The following FAT3 variants were observed in gnomAD, a reference collection of about 807,000 sequenced individuals.
FAT3 encodes the protein protocadherin Fat 3.
In FAT3, 95 loss-of-function variants were observed where a neutral mutation model predicts 310.2. The ratio of observed to expected loss-of-function variants is 0.31; its 90% confidence interval spans 0.26 to 0.36. FAT3 has a LOEUF of 0.36. Among genes scored for constraint, FAT3 ranks in the 10% least tolerant of loss-of-function variants. FAT3 has a pLI of 1.00. For synonymous variants in FAT3, 2,314 were observed against 2,192.9 expected, an observed-to-expected ratio of 1.06 and a Z score of -1.54; for missense variants, 5,408 against 5,715.6, an observed-to-expected ratio of 0.95 and a Z score of 1.74.
chr11:92,644,120 G>T (rs543301960), intron 3 of FAT3, among the ~76,000 whole-genome samples: 2 of 152,208 alleles, frequency 1.3e-5, no homozygotes, highest in East Asian at 1.9e-4. Context: ...GGGGGCCAAG[G>T]TGGCAGCCCC....
chr11:92,755,246 A>G (rs1945958231), intron 4 of FAT3, among the ~76,000 whole-genome samples: 1 of 138,828 alleles, frequency 7.2e-6, no homozygotes, highest in Non-Finnish European at 1.5e-5. Flanking sequence ...TTTTTGAGGT[A>G]GAATCTCACT....
At chr11:92,710,709 C>T (rs1017183215) in intron 4 of FAT3, among the ~76,000 whole-genome samples, 4 of 152,120 alleles carry the variant, frequency 2.6e-5, no homozygotes, top group South Asian at 2.1e-4. Flanking sequence ...TGCGCAAGGC[C>T]GTGACAGACC....
intron 6 of FAT3, among the ~76,000 whole-genome samples, chr11:92,773,075 T>C (rs1475957940): frequency 6.6e-6 from 1 of 152,082 alleles, no homozygotes; most frequent in Non-Finnish European, 1.5e-5. Context: ...CCAAAAGAAA[T>C]AGAGCTTGTG....
chr11:92,710,779 C>T (rs1054589321), intron 4 of FAT3, among the ~76,000 whole-genome samples: 1 of 152,154 alleles, frequency 6.6e-6, no homozygotes, highest in Non-Finnish European at 1.5e-5. Context: ...AATGATGCTT[C>T]CAGAAGCAAT....
At position 92,352,848 on chromosome 11, in the gene FAT3, G is replaced by A; in HGVS notation, c.736G>A (p.Val246Met). The change falls in exon 2 of 28, where the codon GTG becomes ATG. Residue 246 changes from valine to methionine, a missense_variant. Physicochemically the swap from Val to Met is conservative, Grantham distance 21 (BLOSUM62 1). Transcript: ENST00000525166. ...AATGAAACTGTATGGGAACAATGGA[G>A]TGAGCAGTACTGCAAAGCTTTATGT... Reference protein sequence around the residue: ...RGMKLYGNNGVSSTAKLYVHI... With the variant: ...RGMKLYGNNGMSSTAKLYVHI... 6.2e-7 allele frequency: 1 copy of A among 1,613,928 alleles called. No homozygotes were observed. The highest frequency in any genetic ancestry group is 8.5e-7 in the Non-Finnish European group (1 of 1,179,876).
intron 3 of FAT3, among the ~76,000 whole-genome samples, chr11:92,553,675 C>CCTT (rs1954898483): frequency 1.1e-4 from 12 of 108,258 alleles, no homozygotes; most frequent in African/African-American, 3.0e-4. Flanking sequence ...GAATCTCCGT[C>CCTT]CCTTCCTTCC....
chr11:92,553,695 TC>T (rs1565406412), intron 3 of FAT3, among the ~76,000 whole-genome samples: 4 of 149,112 alleles, frequency 2.7e-5, no homozygotes, highest in African/African-American at 1.0e-4. Flanking sequence ...CTTCCTTCCT[TC>T]CTTCCTTCCT....
At position 92,701,900 on chromosome 11, in the gene FAT3, T is replaced by C. The variant is rs529622499; in HGVS notation, c.3669+4455T>C. Among the ~76,000 whole-genome samples, 26 of 152,340 alleles carry C rather than the reference T, an allele frequency of 1.7e-4. No homozygotes were observed. In the South Asian group the frequency reaches 3.3e-3, roughly 19 times the overall value. ...TGTTTTGGGTGGGTGTTTTTGGTTT[T>C]CTTTCCTTGTTTTTTACCTATGAGA... is the stretch of plus-strand genomic sequence containing the variant. On this transcript the variant is annotated intron_variant, in intron 4 of 27. Coordinates refer to ENST00000525166, the MANE Select transcript of FAT3 (RefSeq NM_001367949.2).
Position 92,412,716 on chromosome 11 carries a change from T to TCACCACAC in FAT3, c.3292+57312_3292+57313insCACCACAC, listed in dbSNP as rs1555038507. ...ATGATGGTGGTGATATATATATATA[T>TCACCACAC]ATATATATATATATATATATATATA... On this transcript the variant is annotated intron_variant, in intron 2 of 27. Coordinates refer to ENST00000525166, the MANE Select transcript of FAT3 (RefSeq NM_001367949.2). 3.2e-3 allele frequency among the ~76,000 whole-genome samples: 75 copies of TCACCACAC among 23,080 alleles called. 1 individual carries two copies. The highest frequency in any genetic ancestry group is 7.3e-3 in the African/African-American group (75 of 10,278). 15.1% of individuals were successfully genotyped at this position (23,080 alleles called of 152,430 possible).
chr11:92,340,568 G>A (rs1450120082), intron 1 of FAT3, among the ~76,000 whole-genome samples: 1 of 152,174 alleles, frequency 6.6e-6, no homozygotes, highest in Non-Finnish European at 1.5e-5. Context: ...CCAAAGAGGG[G>A]ATTGGAGGAG....
At chr11:92,643,029 A>T (rs1275425759) in intron 3 of FAT3, among the ~76,000 whole-genome samples, 2 of 152,190 alleles carry the variant, frequency 1.3e-5, no homozygotes, top group Non-Finnish European at 2.9e-5. Flanking sequence ...CAGCCTCAGG[A>T]TGCTTATCTT....
intron 3 of FAT3, among the ~76,000 whole-genome samples, chr11:92,662,067 G>C (rs1942803048): frequency 6.6e-6 from 1 of 152,120 alleles, no homozygotes; most frequent in Non-Finnish European, 1.5e-5. Flanking sequence ...ATCAGAATGA[G>C]ATTAACATAC....
At chr11:92,534,644 T>G (rs1034112966) in intron 3 of FAT3, among the ~76,000 whole-genome samples, 12 of 152,288 alleles carry the variant, frequency 7.9e-5, no homozygotes, top group African/African-American at 2.9e-4. Flanking sequence ...GTGTGGGCCC[T>G]AATTCAGTGA....
At chr11:92,754,824 C>T (rs190065462) in intron 4 of FAT3, among the ~76,000 whole-genome samples, 199 of 151,402 alleles carry the variant, frequency 1.3e-3, no homozygotes, top group Non-Finnish European at 2.4e-3. Context: ...GTGGAGATTG[C>T]GCCACCGCAT....
intron 1 of FAT3, among the ~76,000 whole-genome samples, chr11:92,317,200 C>T (rs1453950835): frequency 4.6e-5 from 7 of 152,194 alleles, no homozygotes; most frequent in African/African-American, 1.7e-4. Context: ...TCTCTTCTCT[C>T]CCTGCAAACA....
intron 2 of FAT3, among the ~76,000 whole-genome samples, chr11:92,517,209 T>A (rs1953515630): frequency 1.3e-5 from 2 of 152,104 alleles, no homozygotes; most frequent in Non-Finnish European, 1.5e-5. Context: ...GCTGGAGGCA[T>A]CACGCTACCT....
chr11:92,341,412 C>A (rs1948259208), intron 1 of FAT3, among the ~76,000 whole-genome samples: 1 of 152,042 alleles, frequency 6.6e-6, no homozygotes, highest in Non-Finnish European at 1.5e-5. Context: ...GAGTACTAAT[C>A]CAGGCAATGT....
intron 2 of FAT3, among the ~76,000 whole-genome samples, chr11:92,451,143 C>G (rs1009812147): frequency 3.9e-5 from 6 of 152,078 alleles, no homozygotes; most frequent in African/African-American, 1.4e-4. Flanking sequence ...AAAGCTGTAG[C>G]CTTGAGGGAC....
rs540182160 is a variant in FAT3, at chr11:92,489,206, G to C, written c.3293-35428G>C. Among the ~76,000 whole-genome samples the C allele has an allele frequency of 7.2e-5, 11 of 152,246 alleles. No individual in the cohort carries two copies. The South Asian group carries it at 2.3e-3, about 32-fold the overall frequency. On this transcript the variant is annotated intron_variant, in intron 2 of 27. Transcript: ENST00000525166. ...TAGATGATAAATTCCATGAGAATGA[G>C]AACCATGCCCACTCTTGCTTCTCAT...
Sources: allele counts gnomAD v4.1 joint callset (sites outside exome capture counted in the v4.1 genomes callset), GRCh38; gene constraint gnomAD v4.1.1; transcripts MANE v1.5; gene names NCBI Gene and HGNC (gene_info 2026-07-23, HGNC 2026-07-21).